The following MTUS2 variants were observed in gnomAD, a reference collection of about 807,000 sequenced individuals.
MTUS2 encodes microtubule associated scaffold protein 2, also known as microtubule-associated tumor suppressor candidate 2.
In MTUS2, 40 loss-of-function variants were observed where a neutral mutation model predicts 114.1. The observed-to-expected ratio is 0.35, with a 90% CI of 0.27 to 0.46. The LOEUF is 0.46. MTUS2 is among the 20% of genes least tolerant of loss of function. MTUS2 has a pLI of 1.00. For synonymous variants in MTUS2, 688 were observed against 672.0 expected (o/e 1.02, Z -0.37); for missense variants, 1,679 against 1,705.4 (o/e 0.98, Z 0.27).
At chr13:29,070,882 T>C (rs955998052) in intron 4 of MTUS2, among the ~76,000 whole-genome samples, 1 of 152,254 alleles carries the variant, frequency 6.6e-6, no homozygotes, top group Non-Finnish European at 1.5e-5. Flanking sequence ...TTCTGCATTT[T>C]AGACAATCTT....
chr13:29,023,911 G>A (rs909491167), intron 2 of MTUS2, among the ~76,000 whole-genome samples: 1 of 152,166 alleles, frequency 6.6e-6, no homozygotes, highest in African/African-American at 2.4e-5. Flanking sequence ...ATTTGATCAC[G>A]TGGTTAATGT....
At chr13:29,167,656 A>G (rs139533432) in intron 5 of MTUS2, among the ~76,000 whole-genome samples, 12 of 152,268 alleles carry the variant, frequency 7.9e-5, no homozygotes, top group African/African-American at 2.9e-4. Flanking sequence ...ATAAAGTAAT[A>G]CAAGTTGAGC....
intron 4 of MTUS2, among the ~76,000 whole-genome samples, chr13:29,097,076 A>G (rs942605979): frequency 8.5e-5 from 13 of 152,174 alleles, no homozygotes; most frequent in African/African-American, 3.1e-4. Context: ...TGCCCATCCC[A>G]GGAAGATACT....
intron 5 of MTUS2, among the ~76,000 whole-genome samples, chr13:29,239,209 C>T (rs902334753): frequency 2.0e-5 from 3 of 152,170 alleles, no homozygotes; most frequent in African/African-American, 7.2e-5. Context: ...TAAAACATCA[C>T]ATCACACAGT....
At chr13:29,129,850 A>C (rs1217049121) in intron 5 of MTUS2, among the ~76,000 whole-genome samples, 1 of 152,072 alleles carries the variant, frequency 6.6e-6, no homozygotes, top group Non-Finnish European at 1.5e-5. Flanking sequence ...TTCAAAAAAG[A>C]ATGGTGGGGG....
At chr13:29,046,961 A>G (rs1186106847) in intron 4 of MTUS2, among the ~76,000 whole-genome samples, 1 of 152,116 alleles carries the variant, frequency 6.6e-6, no homozygotes, top group African/African-American at 2.4e-5. Context: ...GACCCCAGCC[A>G]ATGGGGAAAG....
intron 8 of MTUS2, among the ~76,000 whole-genome samples, chr13:29,372,342 A>G (rs1871260807): frequency 1.3e-5 from 2 of 152,168 alleles, no homozygotes; most frequent in South Asian, 4.1e-4. Context: ...AATGAAGAAC[A>G]GCATTCAGTA....
chr13:29,272,655 T>C (rs1897920750), intron 5 of MTUS2, among the ~76,000 whole-genome samples: 2 of 152,188 alleles, frequency 1.3e-5, no homozygotes, highest in Admixed American at 1.3e-4. Flanking sequence ...CATTACTTTG[T>C]AGGGGGATAT....
intron 2 of MTUS2, among the ~76,000 whole-genome samples, chr13:29,014,874 A>T (rs182069998): frequency 6.6e-6 from 1 of 152,312 alleles, no homozygotes; most frequent in African/African-American, 2.4e-5. Context: ...GAGAAGCAAG[A>T]GCAAAGTCCG....
At chr13:29,227,507 A>G (rs1896157198) in intron 5 of MTUS2, among the ~76,000 whole-genome samples, 1 of 152,224 alleles carries the variant, frequency 6.6e-6, no homozygotes, top group South Asian at 2.1e-4. Context: ...AGAAGAAGCC[A>G]AGAATTAAAT....
At chr13:28,899,560 C>T (rs1204803691) in intron 2 of MTUS2, among the ~76,000 whole-genome samples, 5 of 152,156 alleles carry the variant, frequency 3.3e-5, no homozygotes, top group Non-Finnish European at 7.3e-5. Flanking sequence ...CAGGCGCCCA[C>T]CACCACGCCT....
chr13:28,986,235 G>A (rs1884579792), intron 2 of MTUS2, among the ~76,000 whole-genome samples: 2 of 152,074 alleles, frequency 1.3e-5, no homozygotes, highest in Admixed American at 1.3e-4. Flanking sequence ...GGGAGCTGTT[G>A]GGGCCTATGG....
chr13:29,306,934 C>A, intron 6 of MTUS2: 1 of 541,898 alleles, frequency 1.8e-6, no homozygotes, highest in South Asian at 1.4e-5. Context: ...TGGTTCTACC[C>A]ATGGCAAATT....
chr13:29,334,591 C>T (rs1029801558), intron 7 of MTUS2, among the ~76,000 whole-genome samples: 2 of 152,132 alleles, frequency 1.3e-5, no homozygotes, highest in African/African-American at 4.8e-5. Context: ...GATGGGCTTC[C>T]CTTTGTGGGT....
At position 29,353,955 on chromosome 13, in the gene MTUS2, A is replaced by T. The variant is rs116748736; in HGVS notation, c.2906-5307A>T. ...CTGAAAATTTGAGGTCACTCTTCAG[A>T]TCTTCAGAATTCTCTCTGTGGAGCT... On this transcript the variant is annotated intron_variant, in intron 7 of 15. Coordinates refer to ENST00000612955, the MANE Select transcript of MTUS2 (RefSeq NM_001033602.4). 4.1e-3 allele frequency among the ~76,000 whole-genome samples: 631 copies of T among 152,188 alleles called. 3 individuals are homozygous for T. Among genetic ancestry groups the T allele is most frequent in the African/African-American group, 0.014 (578 of 41,514 alleles).
rs139428965 is a variant in MTUS2, at chr13:28,905,025, G to A, written c.-243+65175G>A. On this transcript the variant is annotated intron_variant, in intron 2 of 15. Coordinates refer to ENST00000612955, the MANE Select transcript of MTUS2 (RefSeq NM_001033602.4). ...TATTCTCTTTGAAGCAATTGTGAAT[G>A]GGAGTTCACTCATGATTTGGCTCTC... 6.1e-3 allele frequency among the ~76,000 whole-genome samples: 930 copies of A among 151,676 alleles called. 5 individuals are homozygous for A. The highest frequency in any genetic ancestry group is 0.013 in the Admixed American group (198 of 15,264).
chr13:29,413,407 G>A (rs922748036), intron 8 of MTUS2, among the ~76,000 whole-genome samples: 2 of 149,176 alleles, frequency 1.3e-5, no homozygotes, highest in South Asian at 2.2e-4. Flanking sequence ...AGGACTTCAT[G>A]TCCAAAACAC....
chr13:29,399,370 C>A (rs760504737), intron 8 of MTUS2, among the ~76,000 whole-genome samples: 5 of 152,186 alleles, frequency 3.3e-5, no homozygotes, highest in Admixed American at 6.5e-5. Context: ...ACTTAGAATG[C>A]CTTAACCATC....
chr13:28,821,157 A>C (rs540267507), intron 1 of MTUS2, among the ~76,000 whole-genome samples: 1 of 152,204 alleles, frequency 6.6e-6, no homozygotes, highest in South Asian at 2.1e-4. Flanking sequence ...AAATGCTTAA[A>C]AAAATTTGCT....
Sources: allele counts gnomAD v4.1 joint callset (sites outside exome capture counted in the v4.1 genomes callset), GRCh38; gene constraint gnomAD v4.1.1; transcripts MANE v1.5; gene names NCBI Gene and HGNC (gene_info 2026-07-23, HGNC 2026-07-21).